The following TRIM33 variants were observed in gnomAD, a reference collection of about 807,000 sequenced individuals.
TRIM33 encodes tripartite motif containing 33, also known as E3 ubiquitin-protein ligase TRIM33.
In TRIM33, 20 loss-of-function variants were observed where a neutral mutation model predicts 125.4. The observed-to-expected ratio is 0.16, with a 90% confidence interval of 0.11 to 0.23. The LOEUF is 0.23. TRIM33 is among the 10% of genes least tolerant of loss of function. The pLI, the probability that TRIM33 is intolerant of heterozygous loss-of-function variation, is 1.00. For missense variants in TRIM33, 920 were observed against 1,411.4 expected (o/e 0.65, Z 5.58); for synonymous variants, 564 against 513.9 (o/e 1.10, Z -1.32).
chr1:114,457,938 A>C (rs1408776882), intron 4 of TRIM33, among the ~76,000 whole-genome samples: 2 of 152,188 alleles, frequency 1.3e-5, no homozygotes, highest in Non-Finnish European at 2.9e-5. Context: ...GAAGAAAGAC[A>C]CTGGTAAAAT....
intron 16 of TRIM33, 96 bp downstream of exon 16, chr1:114,402,664 T>C (rs903206145): frequency 5.2e-6 from 7 of 1,346,984 alleles, no homozygotes; most frequent in South Asian, 1.5e-5. Flanking sequence ...TTAAATGTTA[T>C]CAGGTTTTGT....
chr1:114,465,618 T>C (rs186262364), intron 1 of TRIM33, among the ~76,000 whole-genome samples: 6 of 152,232 alleles, frequency 3.9e-5, no homozygotes, highest in Non-Finnish European at 7.4e-5. Context: ...CTGGACAACA[T>C]AGTGAGACGC....
rs1441100813 is a variant in TRIM33 at position 114,511,182 on chromosome 1, A to G, written c.-106T>C. On this transcript the variant is annotated 5_prime_UTR_variant, in exon 1 of 20. Coordinates refer to ENST00000358465, the MANE Select transcript of TRIM33 (RefSeq NM_015906.4). Reference sequence around the variant, plus strand: ...GCAGCCGCAGCAAGAGCGGCAGCCGAGAGCTAGCGAGAGAGCGAACCAACG... The same window carrying G: ...GCAGCCGCAGCAAGAGCGGCAGCCGGGAGCTAGCGAGAGAGCGAACCAACG... The G allele has an allele frequency of 2.0e-6, 2 of 995,156 alleles. No individual in the cohort carries two copies. The highest frequency in any genetic ancestry group is 2.4e-6 in the Non-Finnish European group (2 of 825,926). The allele number at this position is 995,156 out of a possible 1,614,324, so 61.6% of individuals were successfully genotyped here. A position where few individuals can be genotyped will look rare whatever the true frequency, so the allele number is the denominator to read the frequency against.
At chr1:114,429,091 T>G (rs1397005899) in intron 6 of TRIM33, among the ~76,000 whole-genome samples, 1 of 152,192 alleles carries the variant, frequency 6.6e-6, no homozygotes, top group East Asian at 1.9e-4. Flanking sequence ...TCTATTCACA[T>G]GGGTCCTTTT....
At chr1:114,409,700 AAT>A (rs1490907824) in intron 12 of TRIM33, among the ~76,000 whole-genome samples, 1 of 152,228 alleles carries the variant, frequency 6.6e-6, no homozygotes, top group Admixed American at 6.5e-5. Flanking sequence ...TCAAGAAAAA[AAT>A]ATGTTATTGT....
chr1:114,450,860 T>C (rs1034959066), intron 4 of TRIM33, among the ~76,000 whole-genome samples: 1 of 152,244 alleles, frequency 6.6e-6, no homozygotes, highest in Non-Finnish European at 1.5e-5. Flanking sequence ...CTGGTGACTC[T>C]ACATTCTTAG....
intron 15 of TRIM33, among the ~76,000 whole-genome samples, chr1:114,404,019 A>C (rs1251938061): frequency 6.6e-6 from 1 of 152,136 alleles, no homozygotes; most frequent in Admixed American, 6.5e-5. Flanking sequence ...AGGATTTCTT[A>C]TCAAACTATG....
intron 4 of TRIM33, among the ~76,000 whole-genome samples, chr1:114,453,702 T>C (rs11589568): frequency 0.14 from 20,705 of 152,154 alleles, 1,774 homozygotes; most frequent in Non-Finnish European, 0.19. Flanking sequence ...GGTCACACAG[T>C]CTCATATCAA....
intron 2 of TRIM33, 37 bp downstream of exon 2, chr1:114,464,233 T>C: frequency 8.9e-7 from 1 of 1,122,872 alleles, no homozygotes. Flanking sequence ...CAGTTTGATA[T>C]CAAGATAGGA....
At chr1:114,416,187 C>T (rs956271226) in intron 11 of TRIM33, among the ~76,000 whole-genome samples, 4 of 152,032 alleles carry the variant, frequency 2.6e-5, no homozygotes, top group Admixed American at 1.3e-4. Flanking sequence ...GAAGACTTGG[C>T]CTTGAACCTA....
Position 114,425,457 on chromosome 1 carries a change from G to C in TRIM33, c.1687C>G (p.Gln563Glu). The C allele has an allele frequency of 6.2e-7, 1 of 1,613,870 alleles. No individual in the cohort carries two copies. Among genetic ancestry groups the C allele is most frequent in the Non-Finnish European group, 8.5e-7 (1 of 1,179,866 alleles). Reference protein sequence around the residue: ...HPRQAAPQMLQQQPPRLISVQ... With the variant: ...HPRQAAPQMLEQQPPRLISVQ... Reference sequence around the variant, plus strand: ...AGTAACACGATACTTACCTGTTGTTGTAACATCTGAGGGGCTGCTTGTCTA... The same window carrying C: ...AGTAACACGATACTTACCTGTTGTTCTAACATCTGAGGGGCTGCTTGTCTA... The change falls in exon 9 of 20, where the codon CAA becomes GAA. Residue 563 changes from glutamine to glutamate, a missense_variant. By Grantham distance (29) the Gln-to-Glu change is conservative. Around this residue, in one of 8 missense-constraint regions of TRIM33, gnomAD observed 407 missense variants for 589.7 expected, o/e 0.69. Coordinates refer to ENST00000358465, the MANE Select transcript of TRIM33 (RefSeq NM_015906.4).
intron 1 of TRIM33, among the ~76,000 whole-genome samples, chr1:114,499,591 A>G (rs1305955559): frequency 6.6e-6 from 1 of 152,194 alleles, no homozygotes; most frequent in African/African-American, 2.4e-5. Flanking sequence ...TGACAATACT[A>G]AGATATAGTA....
intron 4 of TRIM33, among the ~76,000 whole-genome samples, chr1:114,439,549 A>T (rs932685391): frequency 6.7e-6 from 1 of 150,220 alleles, no homozygotes; most frequent in Non-Finnish European, 1.5e-5. Context: ...AAAAAAAAAC[A>T]GTGAGCAGTG....
chr1:114,411,067 TCTGGCTCTG>T (rs1173465195), intron 11 of TRIM33, among the ~76,000 whole-genome samples: 3 of 152,138 alleles, frequency 2.0e-5, no homozygotes, highest in African/African-American at 7.2e-5. Flanking sequence ...TGAGACAGGG[TCTGGCTCTG>T]CTGTCCAGAC....
intron 7 of TRIM33, 68 bp from the exon 8 acceptor site, chr1:114,427,362 C>A: frequency 1.3e-5 from 11 of 863,082 alleles, no homozygotes; most frequent in African/African-American, 6.8e-5. Context: ...AAGATAAAGA[C>A]ATTAAGAAAA....
chr1:114,478,504 C>T (rs887939188), intron 1 of TRIM33, among the ~76,000 whole-genome samples: 3 of 152,026 alleles, frequency 2.0e-5, no homozygotes, highest in African/African-American at 7.2e-5. Context: ...CTAATTGGGA[C>T]ACTGCACATA....
intron 1 of TRIM33, among the ~76,000 whole-genome samples, chr1:114,474,821 G>A (rs190268245): frequency 2.0e-5 from 3 of 151,374 alleles, no homozygotes; most frequent in African/African-American, 7.3e-5. Context: ...GAACCCAGGA[G>A]GTGGAGGTTG....
intron 1 of TRIM33, among the ~76,000 whole-genome samples, chr1:114,486,738 T>C (rs1400888176): frequency 6.6e-6 from 1 of 152,008 alleles, no homozygotes; most frequent in African/African-American, 2.4e-5. Context: ...CTAGCTAGCA[T>C]TGCTGTCACC....
Position 114,407,103 on chromosome 1 carries a change from A to G in TRIM33, c.2259-3T>C. The G allele has an allele frequency of 6.2e-7, 1 of 1,607,912 alleles. No homozygotes were observed. Among genetic ancestry groups the G allele is most frequent in the Non-Finnish European group, 8.5e-7 (1 of 1,177,900 alleles). ...CAGTTCTTCCTGATGACCCACAGCT[A>G]ATAAGAAACAACAAATAAAGATCAC... On this transcript the variant is annotated splice_polypyrimidine_tract_variant and splice_region_variant and intron_variant, in intron 13 of 19. Coordinates refer to ENST00000358465, the MANE Select transcript of TRIM33 (RefSeq NM_015906.4).
Sources: gnomAD v4.1 joint callset for allele counts (sites outside exome capture counted in the v4.1 genomes callset) on GRCh38, gnomAD v4.1.1 for gene constraint, gnomAD v4.1.1 regional missense constraint, MANE v1.5 for transcripts, NCBI Gene and HGNC (gene_info 2026-07-23, HGNC 2026-07-21) for gene names.